Variants in DPP10 observed in about 807,000 individuals in gnomAD.
The protein encoded by DPP10 is dipeptidyl peptidase like 10.
Under a neutral mutation model 120.9 loss-of-function variants are expected in DPP10, and 33 were observed. The ratio of observed to expected loss-of-function variants is 0.27; its 90% CI spans 0.21 to 0.37. The LOEUF (loss-of-function observed/expected upper bound fraction) is 0.37. Ranked by LOEUF, DPP10 falls within the 10% of genes least tolerant of loss-of-function variation. The pLI is 1.00. For missense variants in DPP10, 816 were observed against 942.8 expected (o/e 0.87, Z 1.76); for synonymous variants, 337 against 326.1 (o/e 1.03, Z -0.36).
At chr2:115,017,123 G>C (rs1268807816) in intron 1 of DPP10, among the ~76,000 whole-genome samples, 1 of 150,024 alleles carries the variant, frequency 6.7e-6, no homozygotes, top group Non-Finnish European at 1.5e-5. Flanking sequence ...TGAGTTAATG[G>C]GTGCAGCACA....
chr2:114,536,402 C>CT (rs1686490895), intron 1 of DPP10, among the ~76,000 whole-genome samples: 1 of 109,934 alleles, frequency 9.1e-6, no homozygotes, highest in Non-Finnish European at 2.0e-5. Context: ...CTTTCTTTTT[C>CT]TTTTTCTTTT....
chr2:115,786,152 A>G (rs937371441), intron 17 of DPP10, among the ~76,000 whole-genome samples: 1 of 152,196 alleles, frequency 6.6e-6, no homozygotes. Flanking sequence ...TTACATGCTT[A>G]TAACAGTCTA....
chr2:115,597,431 G>T (rs1470607), intron 5 of DPP10, among the ~76,000 whole-genome samples: 4 of 151,844 alleles, frequency 2.6e-5, no homozygotes, highest in African/African-American at 9.7e-5. Context: ...GGAAGCAAAC[G>T]TAAGTACCAT....
chr2:114,652,006 G>C lies in DPP10; in HGVS notation c.60+209168G>C, dbSNP rs376431980. On this transcript the variant is annotated intron_variant, in intron 1 of 25. Coordinates refer to ENST00000410059, the MANE Select transcript of DPP10 (RefSeq NM_020868.6). The stretch of plus-strand genomic sequence containing the variant: ...ACAAGCTCCCAGATGATTCCTATCC[G>C]TGAACCCCACTCTGATTAGCAAAGT... Among the ~76,000 whole-genome samples the C allele has an allele frequency of 3.3e-5, 5 of 152,242 alleles. No individual in the cohort carries two copies. The East Asian group carries it at 7.7e-4, about 24-fold the overall frequency.
In DPP10 at chr2:114,975,960, C is replaced by T. The variant is rs570177278; in HGVS notation, c.61-333279C>T. ...GCCACTGTACCCAGCCAATCAATTG[C>T]TTTAAATAAGAGGACATTTAATTTT... On this transcript the variant is annotated intron_variant, in intron 1 of 25. Coordinates refer to ENST00000410059, the MANE Select transcript of DPP10 (RefSeq NM_020868.6). Among the ~76,000 whole-genome samples the T allele has an allele frequency of 1.1e-4, 16 of 152,150 alleles. No homozygotes were observed. In the South Asian group the frequency reaches 3.3e-3, roughly 32 times the overall value.
chr2:114,657,510 T>A (rs1340194307), intron 1 of DPP10, among the ~76,000 whole-genome samples: 8 of 152,212 alleles, frequency 5.3e-5, no homozygotes, highest in Admixed American at 5.2e-4. Context: ...TGTCAATGGT[T>A]TTCTTTTCTC....
chr2:114,936,853 C>G (rs1366624948), intron 1 of DPP10, among the ~76,000 whole-genome samples: 1 of 152,152 alleles, frequency 6.6e-6, no homozygotes, highest in Non-Finnish European at 1.5e-5. Context: ...TAATACTGAG[C>G]ATTTTTACAT....
intron 1 of DPP10, among the ~76,000 whole-genome samples, chr2:114,949,798 A>G (rs1213873227): frequency 1.3e-5 from 2 of 152,194 alleles, no homozygotes; most frequent in Non-Finnish European, 2.9e-5. Flanking sequence ...GGAGGAAACA[A>G]TGTGAGAATT....
chr2:114,950,292 C>CTT lies in DPP10; in HGVS notation c.61-358927_61-358926dup, dbSNP rs35889704. ...TAAAAAATAATGAGACCACACCTTG[C>CTT]TTTTTTTTTTTTTTTTTTTTTGAGA... On this transcript the variant is annotated intron_variant, in intron 1 of 25. Coordinates refer to ENST00000410059, the MANE Select transcript of DPP10 (RefSeq NM_020868.6). Among the ~76,000 whole-genome samples the CTT allele has an allele frequency of 8.8e-3, 803 of 90,752 alleles. 19 individuals are homozygous for CTT. The highest frequency in any genetic ancestry group is 0.011 in the African/African-American group (267 of 23,682). The allele number at this position is 90,752 out of a possible 152,430, so 59.5% of individuals were successfully genotyped here. A position where few individuals can be genotyped will look rare whatever the true frequency, so the allele number is the denominator to read the frequency against.
At position 114,817,758 on chromosome 2, in the gene DPP10, A is replaced by G. The variant is rs150465006; in HGVS notation, c.60+374920A>G. ...GAAACATAACAGGCACAGTAGTAAG[A>G]GTAGGTAAGCCAGGTGATAAGAGAG... On this transcript the variant is annotated intron_variant, in intron 1 of 25. Transcript: ENST00000410059. Among the ~76,000 whole-genome samples, 311 of 152,326 alleles carry G rather than the reference A, an allele frequency of 2.0e-3. 2 individuals carry two copies. Among genetic ancestry groups the G allele is most frequent in the African/African-American group, 6.8e-3 (281 of 41,572 alleles).
chr2:115,560,566 C>T (rs780675340), intron 5 of DPP10, among the ~76,000 whole-genome samples: 5 of 148,592 alleles, frequency 3.4e-5, no homozygotes. Flanking sequence ...CTATTCCCCC[C>T]ACCCCCGACC....
intron 1 of DPP10, among the ~76,000 whole-genome samples, chr2:114,793,164 A>C (rs1181349278): frequency 6.6e-6 from 1 of 152,144 alleles, no homozygotes; most frequent in Admixed American, 6.6e-5. Context: ...TTTTAAAATT[A>C]TACTTTAAGT....
chr2:115,347,395 C>T (rs1457952883), intron 3 of DPP10, among the ~76,000 whole-genome samples: 3 of 152,074 alleles, frequency 2.0e-5, no homozygotes, highest in Non-Finnish European at 4.4e-5. Flanking sequence ...AGTGCATTTC[C>T]TTGTGACAGC....
intron 1 of DPP10, among the ~76,000 whole-genome samples, chr2:114,635,389 G>A (rs1573848525): frequency 1.3e-5 from 2 of 151,848 alleles, no homozygotes; most frequent in East Asian, 1.9e-4. Flanking sequence ...GTGCTTATTA[G>A]ATATTGTTAT....
chr2:115,060,074 T>C (rs1295079659), intron 1 of DPP10, among the ~76,000 whole-genome samples: 1 of 152,004 alleles, frequency 6.6e-6, no homozygotes, highest in Non-Finnish European at 1.5e-5. Flanking sequence ...TATTGTAAGC[T>C]ACACGAAGGC....
At position 115,762,626 on chromosome 2, in the gene DPP10, T is replaced by C; in HGVS notation, c.1113+16T>C. 1 of 1,612,578 alleles carries C rather than the reference T, an allele frequency of 6.2e-7. No homozygotes were observed. Among genetic ancestry groups the C allele is most frequent in the Middle Eastern group, 1.7e-4 (1 of 6,054 alleles). ...CTCTCAGCAGGTACAGTATAGGTGG[T>C]CTGTCACATCTTGGCCATTGTGACC... On this transcript the variant is annotated intron_variant, in intron 12 of 25. Transcript: ENST00000410059.
At chr2:114,898,402 G>A (rs1222451815) in intron 1 of DPP10, among the ~76,000 whole-genome samples, 1 of 152,072 alleles carries the variant, frequency 6.6e-6, no homozygotes, top group Non-Finnish European at 1.5e-5. Context: ...AATGCTAAAT[G>A]ATGAGTTAAT....
intron 1 of DPP10, among the ~76,000 whole-genome samples, chr2:115,009,106 G>A (rs1324858166): frequency 8.4e-6 from 1 of 119,244 alleles, no homozygotes; most frequent in Non-Finnish European, 1.7e-5. Flanking sequence ...TATAAATCAT[G>A]CTGCTATAAA....
At chr2:115,800,531 G>A (rs79485092) in intron 19 of DPP10, among the ~76,000 whole-genome samples, 40,018 of 151,886 alleles carry the variant, frequency 0.26, 5,633 homozygotes, top group Middle Eastern at 0.45. Flanking sequence ...CCTGAATGGT[G>A]TTGCCTAGGT....
Sources: allele counts gnomAD v4.1 joint callset (sites outside exome capture counted in the v4.1 genomes callset), GRCh38; gene constraint gnomAD v4.1.1; transcripts MANE v1.5; gene names NCBI Gene and HGNC (gene_info 2026-07-23, HGNC 2026-07-21).